The following CLEC4A variants were observed in gnomAD, a reference collection of about 807,000 sequenced individuals.
CLEC4A encodes C-type lectin domain family 4 member A.
In CLEC4A, 27 loss-of-function variants were observed where a neutral mutation model predicts 32.7. That is an observed-to-expected ratio of 0.83 (90% CI 0.61 to 1.14). The LOEUF is 1.14. CLEC4A is among the 50% of genes most tolerant of loss of function. CLEC4A has a pLI of 0.00. For synonymous variants in CLEC4A, 89 were observed against 93.7 expected (o/e 0.95, Z 0.29); for missense variants, 253 against 274.6 (o/e 0.92, Z 0.55).
chr12:8,104,577 T>C, the CLEC4A span, among the ~76,000 whole-genome samples: 2 of 152,230 alleles, frequency 1.3e-5, no homozygotes, highest in African/African-American at 4.8e-5. Flanking sequence ...CTTTCTTTTT[T>C]TAAAAAACTT....
chr12:8,117,383 TGC>T, the CLEC4A span, among the ~76,000 whole-genome samples: 1 of 152,056 alleles, frequency 6.6e-6, no homozygotes, highest in African/African-American at 2.4e-5. Context: ...GGATTACAGG[TGC>T]TCATCACCAC....
the CLEC4A span, among the ~76,000 whole-genome samples, chr12:8,111,921 ATATGTGTGTGTGTGTGTGTGTG>A: frequency 9.1e-6 from 1 of 109,660 alleles, no homozygotes; most frequent in Non-Finnish European, 2.0e-5. Context: ...GTGAGTGTGT[ATATGTGTGTGTGTGTGTGTGTG>A]TGTGTGTGTG....
Position 8,123,939 on chromosome 12 carries a change from A to C in CLEC4A, c.61A>C (p.Ile21Leu). Residue 21 changes from isoleucine (I) to leucine (L), a missense_variant, in exon 1 of 6, where the codon ATC becomes CTC. Coordinates refer to ENST00000229332, the MANE Select transcript of CLEC4A (RefSeq NM_016184.4). ...RFKNEFKSSGINTASSAASKE... is the reference protein window; with the variant it reads ...RFKNEFKSSGLNTASSAASKE... ...CAAAAATGAATTCAAGTCCTCAGGC[A>C]TCAACACAGCCTCTTCTGCAGGTAA... is the stretch of plus-strand genomic sequence containing the variant. 6.2e-7 allele frequency: 1 copy of C among 1,611,328 alleles called. No homozygotes were observed. Among genetic ancestry groups the C allele is most frequent in the Non-Finnish European group, 8.5e-7 (1 of 1,177,376 alleles).
the CLEC4A span, among the ~76,000 whole-genome samples, chr12:8,115,799 A>G: frequency 1.3e-5 from 2 of 151,678 alleles, no homozygotes; most frequent in Admixed American, 1.3e-4. Flanking sequence ...TATATATTTA[A>G]TTTTTTCTAG....
the CLEC4A span, among the ~76,000 whole-genome samples, chr12:8,107,784 TC>T: frequency 1.3e-5 from 2 of 150,170 alleles, no homozygotes; most frequent in Non-Finnish European, 1.5e-5. Flanking sequence ...TTTTTTTTTT[TC>T]CTTTATTAGT....
intron 4 of CLEC4A, 66 bp downstream of exon 4, chr12:8,135,802 AAGG>A: frequency 1.9e-6 from 3 of 1,542,818 alleles, no homozygotes; most frequent in South Asian, 1.2e-5. Context: ...CTTGGCTAAG[AAGG>A]AGGTTTTTGT....
rs760015006 is a variant in CLEC4A, at chr12:8,125,549, C to T, written c.83-12C>T. 12 of 1,516,830 alleles carry T rather than the reference C, an allele frequency of 7.9e-6. No individual in the cohort carries two copies. The highest frequency in any genetic ancestry group is 1.0e-5 in the Non-Finnish European group (11 of 1,091,418). 94.0% of individuals were successfully genotyped at this position (1,516,830 alleles called of 1,614,324 possible). A position where few individuals can be genotyped will look rare whatever the true frequency, so the allele number is the denominator to read the frequency against. On this transcript the variant is annotated splice_polypyrimidine_tract_variant and intron_variant, in intron 1 of 5. Transcript: ENST00000229332. Reference sequence around the variant, plus strand: ...CTTATTACTGATAAAACTAATTTGGCTTCTTCTTCAGCTTCCAAGGAGAGG... The same window carrying T: ...CTTATTACTGATAAAACTAATTTGGTTTCTTCTTCAGCTTCCAAGGAGAGG...
At chr12:8,122,512 T>G (rs1947842161), upstream of CLEC4A, among the ~76,000 whole-genome samples, 2 of 147,386 alleles carry the variant, frequency 1.4e-5, no homozygotes, top group South Asian at 2.2e-4. Flanking sequence ...ACTCTCAGAG[T>G]GAGGAGGGAG....
the CLEC4A span, among the ~76,000 whole-genome samples, chr12:8,104,777 C>A: frequency 6.6e-6 from 1 of 152,092 alleles, no homozygotes; most frequent in Admixed American, 6.6e-5. Context: ...TCTTTGTGTC[C>A]ATATGTATGC....
At chr12:8,134,966 T>C in intron 3 of CLEC4A, 1 of 931,600 alleles carries the variant, frequency 1.1e-6, no homozygotes. Context: ...TATCTTCTTG[T>C]TGAAGCGTTT....
chr12:8,114,346 G>A, the CLEC4A span, among the ~76,000 whole-genome samples: 5 of 151,958 alleles, frequency 3.3e-5, no homozygotes, highest in East Asian at 3.9e-4. Context: ...CCGGGTTCAC[G>A]CCATTCTCCT....
the CLEC4A span, among the ~76,000 whole-genome samples, chr12:8,114,535 C>T: frequency 2.6e-5 from 4 of 152,336 alleles, no homozygotes; most frequent in Non-Finnish European, 4.4e-5. Flanking sequence ...TGAGCCACCG[C>T]GCCCGGCCAA....
Position 8,123,917 on chromosome 12 carries a change from A to G in CLEC4A, c.39A>G (p.Lys13=). 5 of 1,613,604 alleles carry G rather than the reference A, an allele frequency of 3.1e-6. No individual in the cohort carries two copies. The highest frequency in any genetic ancestry group is 1.7e-5 in the Admixed American group (1 of 60,028). ...TCACTTATGCTGAAGTGAGGTTCAA[A>G]AATGAATTCAAGTCCTCAGGCATCA... ...SEITYAEVRF[K]NEFKSSGINT... Residue 13 remains lysine (K), a synonymous_variant, in exon 1 of 6, where the codon AAA becomes AAG. Transcript: ENST00000229332.
intron 4 of CLEC4A, among the ~76,000 whole-genome samples, chr12:8,136,300 C>T (rs1948114721): frequency 1.3e-5 from 2 of 152,194 alleles, no homozygotes; most frequent in African/African-American, 4.8e-5. Context: ...CATGCTAGCT[C>T]ATGCCTGTAA....
intron 2 of CLEC4A, among the ~76,000 whole-genome samples, chr12:8,128,217 C>T (rs1338980543): frequency 6.6e-6 from 1 of 151,960 alleles, no homozygotes; most frequent in Non-Finnish European, 1.5e-5. Context: ...AGAGTAGTGT[C>T]CCAAGAGCTA....
upstream of CLEC4A, among the ~76,000 whole-genome samples, chr12:8,123,214 G>A: frequency 6.6e-6 from 1 of 152,204 alleles, no homozygotes. Flanking sequence ...CAAGATGAAT[G>A]CAGACTTTTG....
At chr12:8,108,359 G>A in the CLEC4A span, among the ~76,000 whole-genome samples, 133 of 152,274 alleles carry the variant, frequency 8.7e-4, 1 homozygote, top group African/African-American at 2.7e-3. Context: ...GTAGTTTACC[G>A]TCTCATTTTA....
chr12:8,135,217 T>C (rs1023146289), intron 3 of CLEC4A, among the ~76,000 whole-genome samples: 1 of 151,228 alleles, frequency 6.6e-6, no homozygotes, highest in African/African-American at 2.4e-5. Context: ...TAGGCATCTA[T>C]TGATTATTAT....
rs376523552 is a variant in CLEC4A, at chr12:8,135,600, G to A, written c.314G>A (p.Cys105Tyr). The change falls in exon 4 of 6, where the codon TGT becomes TAT. Residue 105 changes from cysteine to tyrosine, a missense_variant. Cys to Tyr is a radical substitution (Grantham distance 194, BLOSUM62 -2). Transcript: ENST00000229332. Reference sequence around the variant, plus strand: ...CCCAATACAGAGACAGCCTGGAGCTGTTGCCCAAAGAATTGGAAGTCATTT... The same window carrying A: ...CCCAATACAGAGACAGCCTGGAGCTATTGCCCAAAGAATTGGAAGTCATTT... ...NMPVEETAWS[C>Y]CPKNWKSFSS... The A allele has an allele frequency of 6.2e-7, 1 of 1,614,040 alleles. No homozygotes were observed. The highest frequency in any genetic ancestry group is 8.5e-7 in the Non-Finnish European group (1 of 1,180,002).
Sources: gnomAD v4.1 joint callset for allele counts (sites outside exome capture counted in the v4.1 genomes callset) on GRCh38, gnomAD v4.1.1 for gene constraint, MANE v1.5 for transcripts, NCBI Gene and HGNC (gene_info 2026-07-23, HGNC 2026-07-21) for gene names.